TP73: variants seen among roughly 807,000 people sequenced by gnomAD.
The protein encoded by TP73 is tumor protein p73.
In TP73, 25 loss-of-function variants were observed where a neutral mutation model predicts 62.5. That is an observed-to-expected ratio of 0.40 (90% CI 0.29 to 0.56). The LOEUF is 0.56. TP73 is among the 20% of genes least tolerant of loss of function. TP73 has a pLI of 0.46. For missense variants in TP73, 754 were observed against 913.3 expected (o/e 0.83, Z 2.25); for synonymous variants, 423 against 377.5 (o/e 1.12, Z -1.40).
chr1:3,654,228 C>T (rs544999693), intron 1 of TP73, among the ~76,000 whole-genome samples: 7 of 152,302 alleles, frequency 4.6e-5, no homozygotes, highest in African/African-American at 1.4e-4. Context: ...AGTGTGGCAG[C>T]TGCCTATTGT....
chr1:3,698,022 C>T, intron 3 of TP73: 1 of 958,004 alleles, frequency 1.0e-6, no homozygotes, highest in Non-Finnish European at 1.2e-6. Flanking sequence ...CTCGGCTCAG[C>T]CACCCATTCT....
intron 4 of TP73, chr1:3,712,365 G>C (rs1640223552): frequency 1.3e-5 from 2 of 152,236 alleles, no homozygotes; most frequent in African/African-American, 4.8e-5. Context: ...GCGCCTCGGG[G>C]CTCGTGGCCC....
chr1:3,691,529 C>T (rs368644096), intron 3 of TP73, among the ~76,000 whole-genome samples: 8 of 152,106 alleles, frequency 5.3e-5, no homozygotes, highest in Admixed American at 2.0e-4. Flanking sequence ...TTGCGCCACC[C>T]GCCCCCTGCA....
intron 1 of TP73, among the ~76,000 whole-genome samples, chr1:3,661,314 A>G (rs1028310422): frequency 6.6e-6 from 1 of 152,250 alleles, no homozygotes; most frequent in Non-Finnish European, 1.5e-5. Context: ...ACTTGATTAA[A>G]TAGAATCCCA....
At position 3,699,442 on chromosome 1, in the gene TP73, G is replaced by A. The variant is rs1406228436; in HGVS notation, c.187-8107G>A. ...CGGACCTCCTTGTTCTACAAGAGCTGGGGTCACAGCTCAGAGCCCCTGTCC... is the reference window on the plus strand; with the variant it reads ...CGGACCTCCTTGTTCTACAAGAGCTAGGGTCACAGCTCAGAGCCCCTGTCC... On this transcript the variant is annotated intron_variant, in intron 3 of 13. Coordinates refer to ENST00000378295, the MANE Select transcript of TP73 (RefSeq NM_005427.4). This position sits in a 1 kb window ranked among gnomAD's most constrained non-coding sequence, Gnocchi z 4.1. Among the ~76,000 whole-genome samples, 1 of 152,192 alleles carries A rather than the reference G, an allele frequency of 6.6e-6. No individual in the cohort carries two copies. Among genetic ancestry groups the A allele is most frequent in the Non-Finnish European group, 1.5e-5 (1 of 68,036 alleles).
In TP73 at chr1:3,696,312, G is replaced by T. The variant is rs1404843437; in HGVS notation, c.187-11237G>T. On this transcript the variant is annotated intron_variant, in intron 3 of 13. Transcript: ENST00000378295. This position sits in a 1 kb window ranked among gnomAD's most constrained non-coding sequence, Gnocchi z 4.1. The stretch of plus-strand genomic sequence containing the variant: ...GCAGGAGGCTCTGCTGCTCCCCAAG[G>T]CAGGAAAGGCCGGCAGGGTCTGGAT... Among the ~76,000 whole-genome samples, 1 of 152,102 alleles carries T rather than the reference G, an allele frequency of 6.6e-6. No individual in the cohort carries two copies. The highest frequency in any genetic ancestry group is 1.9e-4 in the East Asian group (1 of 5,178).
intron 10 of TP73, 134 bp from the exon 11 acceptor site, chr1:3,729,866 T>G (rs1641991747): frequency 4.7e-6 from 6 of 1,282,728 alleles, no homozygotes; most frequent in Non-Finnish European, 6.4e-6. Flanking sequence ...ACAGGGAGGC[T>G]GGGGGAGGAT....
Position 3,688,814 on chromosome 1 carries a change from C to T in TP73, c.186+5634C>T, listed in dbSNP as rs893063435. Among the ~76,000 whole-genome samples the T allele has an allele frequency of 3.3e-5, 5 of 152,272 alleles. No individual in the cohort carries two copies. In the East Asian group the frequency reaches 5.8e-4, roughly 18 times the overall value. On this transcript the variant is annotated intron_variant, in intron 3 of 13. Transcript: ENST00000378295. ...GTGGAGAGATGCGGGGTCTCAGGCA[C>T]GGTGCCCTGGGCATGGGTGGGGCTC...
chr1:3,686,603 T>C (rs1473958435), intron 3 of TP73, among the ~76,000 whole-genome samples: 1 of 152,156 alleles, frequency 6.6e-6, no homozygotes, highest in Non-Finnish European at 1.5e-5. Context: ...CAAGAGCAGT[T>C]GAACCCTCAG....
chr1:3,654,011 T>C lies in TP73; in HGVS notation c.-34+1370T>C, dbSNP rs996129067. ...CATCATGGTGAAACCCAGTCTCTACTTGAAATACAAAAATTAGCTGGGCAT... is the reference window on the plus strand; with the variant it reads ...CATCATGGTGAAACCCAGTCTCTACCTGAAATACAAAAATTAGCTGGGCAT... On this transcript the variant is annotated intron_variant, in intron 1 of 13. Coordinates refer to ENST00000378295, the MANE Select transcript of TP73 (RefSeq NM_005427.4). 6.6e-5 allele frequency among the ~76,000 whole-genome samples: 10 copies of C among 152,124 alleles called. 1 individual carries two copies. The highest frequency in any genetic ancestry group is 2.4e-4 in the African/African-American group (10 of 41,412).
chr1:3,723,528 G>T, intron 6 of TP73, 59 bp downstream of exon 6: 1 of 813,880 alleles, frequency 1.2e-6, no homozygotes, highest in Admixed American at 2.0e-5. Flanking sequence ...GGTCGGGGGA[G>T]GGGTCCCCTG....
Position 3,689,911 on chromosome 1 carries a change from C to T in TP73, c.186+6731C>T, listed in dbSNP as rs1645765870. ...CCCTCTGCCAGGGTCAACTTTGTAC[C>T]CAAGACGGCTGAAATACAATGGAAA... On this transcript the variant is annotated intron_variant, in intron 3 of 13. Coordinates refer to ENST00000378295, the MANE Select transcript of TP73 (RefSeq NM_005427.4). 2.0e-5 allele frequency among the ~76,000 whole-genome samples: 3 copies of T among 152,294 alleles called. No homozygotes were observed. In the South Asian group the frequency reaches 6.2e-4, roughly 32 times the overall value.
chr1:3,732,921 G>GC lies in TP73; in HGVS notation c.1755dup (p.Val586ArgfsTer22). 6.2e-7 allele frequency: 1 copy of GC among 1,610,768 alleles called. No homozygotes were observed. Among genetic ancestry groups the GC allele is most frequent in the Non-Finnish European group, 8.5e-7 (1 of 1,179,532 alleles). On this transcript the variant is annotated frameshift_variant, in exon 14 of 14. Coordinates refer to ENST00000378295, the MANE Select transcript of TP73 (RefSeq NM_005427.4). LOFTEE classifies it high-confidence loss of function. ...ACTGCAGCGCCAGCGGGTCATGGAG[G>GC]CCGTGCACTTCCGCGTGCGCCACAC...
At chr1:3,694,838 CCCT>C (rs1638467849) in intron 3 of TP73, among the ~76,000 whole-genome samples, 1 of 144,246 alleles carries the variant, frequency 6.9e-6, no homozygotes, top group Non-Finnish European at 1.5e-5. Flanking sequence ...CAGCCTCAGC[CCCT>C]CCTCCTGCAA....
At chr1:3,673,082 C>G (rs75865900) in intron 1 of TP73, among the ~76,000 whole-genome samples, 5,556 of 152,318 alleles carry the variant, frequency 0.036, 333 homozygotes, top group African/African-American at 0.13. Context: ...TTGCATGCCC[C>G]CGGGCATGGA....
rs1174798889 is a variant in TP73 at position 3,662,779 on chromosome 1, T to G, written c.-34+10138T>G. On this transcript the variant is annotated intron_variant, in intron 1 of 13. Coordinates refer to ENST00000378295, the MANE Select transcript of TP73 (RefSeq NM_005427.4). This position sits in a 1 kb window ranked among gnomAD's most constrained non-coding sequence, Gnocchi z 4.4. ...CATTGCAAGGGGGCCTAGAGGGGCC[T>G]CTATGGGCCTTGGAGATGGAATCAG... is the stretch of plus-strand genomic sequence containing the variant. Among the ~76,000 whole-genome samples, 3 of 152,134 alleles carry G rather than the reference T, an allele frequency of 2.0e-5. No individual in the cohort carries two copies. Among genetic ancestry groups the G allele is most frequent in the African/African-American group, 7.2e-5 (3 of 41,434 alleles).
chr1:3,713,487 C>T (rs908842486), intron 4 of TP73, among the ~76,000 whole-genome samples: 4 of 152,198 alleles, frequency 2.6e-5, no homozygotes, highest in South Asian at 4.1e-4. Context: ...GTGTGGGACT[C>T]GGGGCAAGGT....
chr1:3,682,314 C>A lies in TP73; in HGVS notation c.-33-19C>A, dbSNP rs554511962. The A allele has an allele frequency of 1.6e-5, 23 of 1,451,186 alleles. No individual in the cohort carries two copies. In the East Asian group the frequency reaches 5.6e-4, roughly 35 times the overall value. 89.9% of individuals were successfully genotyped at this position (1,451,186 alleles called of 1,614,324 possible). ...ACGAGTTCCCAGGGTGCTCAGGTGT[C>A]ATTCCTTCCTTCCTGCAGAGCGAGC... On this transcript the variant is annotated intron_variant, in intron 1 of 13. Coordinates refer to ENST00000378295, the MANE Select transcript of TP73 (RefSeq NM_005427.4).
At chr1:3,683,721 G>T (rs1367858470) in intron 3 of TP73, among the ~76,000 whole-genome samples, 2 of 152,228 alleles carry the variant, frequency 1.3e-5, no homozygotes, top group African/African-American at 4.8e-5. Context: ...CCATAGTCCA[G>T]CAGTCCTGCC....
Sources: gnomAD v4.1 joint callset for allele counts (sites outside exome capture counted in the v4.1 genomes callset) on GRCh38, gnomAD v4.1.1 for gene constraint, Gnocchi (gnomAD v3.1) non-coding constraint, MANE v1.5 for transcripts, NCBI Gene and HGNC (gene_info 2026-07-23, HGNC 2026-07-21) for gene names.